SOAT1: variants seen among roughly 807,000 people sequenced by gnomAD.
The protein encoded by SOAT1 is sterol O-acyltransferase 1.
In SOAT1, 55 loss-of-function variants were observed where a neutral mutation model predicts 69.5. The ratio of observed to expected loss-of-function variants is 0.79; its 90% CI spans 0.64 to 0.99. The LOEUF (loss-of-function observed/expected upper bound fraction) is 0.99, where lower values mean the gene tolerates loss of function less well. SOAT1 is among the 50% of genes least tolerant of loss of function. SOAT1 has a pLI of 0.00. For missense variants in SOAT1, 580 were observed against 669.3 expected, an observed-to-expected ratio of 0.87 and a Z score of 1.47; for synonymous variants, 231 against 224.7, an observed-to-expected ratio of 1.03 and a Z score of -0.25.
intron 1 of SOAT1, among the ~76,000 whole-genome samples, chr1:179,302,025 CTTT>C (rs5779019): frequency 2.2e-4 from 31 of 141,902 alleles, no homozygotes; most frequent in Admixed American, 5.6e-4. Flanking sequence ...CTATTTAATC[CTTT>C]TTTTTTTTTT....
intron 2 of SOAT1, among the ~76,000 whole-genome samples, chr1:179,314,560 C>G (rs896536988): frequency 1.3e-5 from 2 of 151,994 alleles, no homozygotes; most frequent in Non-Finnish European, 2.9e-5. Flanking sequence ...TTACTTGTTC[C>G]GAAGATTATG....
chr1:179,304,279 CCTT>C (rs1340644040), intron 2 of SOAT1, among the ~76,000 whole-genome samples: 18 of 148,928 alleles, frequency 1.2e-4, no homozygotes, highest in African/African-American at 4.2e-4. Flanking sequence ...TTCTTTCTCT[CCTT>C]TTTTTTTTTT....
At chr1:179,307,990 A>T (rs6425529) in intron 2 of SOAT1, among the ~76,000 whole-genome samples, 1 of 151,474 alleles carries the variant, frequency 6.6e-6, no homozygotes, top group Non-Finnish European at 1.5e-5. Context: ...GGGTTTCTCC[A>T]TGTTGGTCAG....
chr1:179,325,431 C>A (rs537616574), intron 3 of SOAT1, among the ~76,000 whole-genome samples: 1 of 152,110 alleles, frequency 6.6e-6, no homozygotes, highest in Non-Finnish European at 1.5e-5. Context: ...GGATTACAGG[C>A]GTGAGCTACC....
intron 3 of SOAT1, among the ~76,000 whole-genome samples, chr1:179,329,627 A>G (rs892908763): frequency 2.6e-5 from 4 of 151,922 alleles, no homozygotes; most frequent in Admixed American, 6.5e-5. Flanking sequence ...AAGCAGGAGA[A>G]TCATTTGAAC....
At chr1:179,298,310 G>A (rs544422370) in intron 1 of SOAT1, among the ~76,000 whole-genome samples, 1 of 151,888 alleles carries the variant, frequency 6.6e-6, no homozygotes, top group African/African-American at 2.4e-5. Flanking sequence ...GGATGGTCTC[G>A]ATCTCCTGAC....
chr1:179,298,236 A>T (rs891994394), intron 1 of SOAT1, among the ~76,000 whole-genome samples: 1 of 151,808 alleles, frequency 6.6e-6, no homozygotes. Context: ...GGTGCCTGCC[A>T]CCACACCTGG....
intron 3 of SOAT1, among the ~76,000 whole-genome samples, chr1:179,330,353 A>G (rs1360838168): frequency 7.2e-5 from 11 of 152,186 alleles, no homozygotes. Context: ...AAAACATCTC[A>G]GAAGACCAAT....
At chr1:179,314,177 C>T (rs1486151517) in intron 2 of SOAT1, among the ~76,000 whole-genome samples, 3 of 152,202 alleles carry the variant, frequency 2.0e-5, no homozygotes, top group Non-Finnish European at 2.9e-5. Context: ...CTACACCCCT[C>T]ATTCTCCCAC....
intron 2 of SOAT1, among the ~76,000 whole-genome samples, chr1:179,304,634 A>G (rs1255418827): frequency 1.3e-5 from 2 of 148,990 alleles, no homozygotes; most frequent in Non-Finnish European, 3.0e-5. Flanking sequence ...CTTTTCCCCC[A>G]TCCCCTTCTC....
intron 14 of SOAT1, among the ~76,000 whole-genome samples, chr1:179,350,922 T>C (rs1666700747): frequency 6.6e-6 from 1 of 151,814 alleles, no homozygotes; most frequent in Admixed American, 6.6e-5. Flanking sequence ...TAAAAAAATA[T>C]ATAAACAGTT....
At position 179,357,866 on chromosome 1, in the gene SOAT1, A is replaced by C. The variant is rs528459374; in HGVS notation, c.*4225A>C. 1.3e-5 allele frequency: 2 copies of C among 152,332 alleles called. No homozygotes were observed. Among genetic ancestry groups the C allele is most frequent in the Admixed American group, 1.3e-4 (2 of 15,282 alleles). 9.4% of individuals were successfully genotyped at this position (152,332 alleles called of 1,614,324 possible). ...CTGTGACCTGTGATCACACCACTTA[A>C]TTCCTCAAAACATTTATGTCCCAGT... On this transcript the variant is annotated 3_prime_UTR_variant, in exon 16 of 16. Transcript: ENST00000367619.
chr1:179,301,661 G>T lies in SOAT1; in HGVS notation c.-8-1016G>T, dbSNP rs1011221922. Among the ~76,000 whole-genome samples the T allele has an allele frequency of 7.9e-5, 12 of 152,166 alleles. 1 individual carries two copies. The highest frequency in any genetic ancestry group is 4.6e-4 in the Admixed American group (7 of 15,272). ...ACTTTAAATCATTGTTTTCTCATGTGAAAACTGAGGGTAATTTTTTTCAGA... is the reference window on the plus strand; with the variant it reads ...ACTTTAAATCATTGTTTTCTCATGTTAAAACTGAGGGTAATTTTTTTCAGA... On this transcript the variant is annotated intron_variant, in intron 1 of 15. Transcript: ENST00000367619.
chr1:179,340,473 C>T lies in SOAT1; in HGVS notation c.498-555C>T, dbSNP rs34909961. ...ACTCCAGCCTGGATGCAAAGGAGACCAGATCTCAAAATAAAATTTTAAAAC... is the reference window on the plus strand; with the variant it reads ...ACTCCAGCCTGGATGCAAAGGAGACTAGATCTCAAAATAAAATTTTAAAAC... On this transcript the variant is annotated intron_variant, in intron 6 of 15. Transcript: ENST00000367619. 7.4e-3 allele frequency among the ~76,000 whole-genome samples: 1,120 copies of T among 152,072 alleles called. 9 individuals are homozygous for T. Among genetic ancestry groups the T allele is most frequent in the Middle Eastern group, 0.014 (4 of 294 alleles).
chr1:179,318,697 T>A (rs191911915), intron 2 of SOAT1, among the ~76,000 whole-genome samples: 1 of 152,220 alleles, frequency 6.6e-6, no homozygotes, highest in Admixed American at 6.5e-5. Flanking sequence ...GACATTGTCA[T>A]GTAAATAGGA....
Position 179,347,589 on chromosome 1 carries a change from C to G in SOAT1, c.1118-11C>G, listed in dbSNP as rs747630682. 6.5e-7 allele frequency: 1 copy of G among 1,549,564 alleles called. No homozygotes were observed. The highest frequency in any genetic ancestry group is 1.7e-5 in the Admixed American group (1 of 58,834). Reference sequence around the variant, plus strand: ...TGGAAAGACTGTTAATATTGTTAATCTTATTTTTAGGTGTGCTGATTCTCT... The same window carrying G: ...TGGAAAGACTGTTAATATTGTTAATGTTATTTTTAGGTGTGCTGATTCTCT... On this transcript the variant is annotated splice_polypyrimidine_tract_variant and intron_variant, in intron 11 of 15. Transcript: ENST00000367619.
intron 2 of SOAT1, among the ~76,000 whole-genome samples, chr1:179,308,103 A>G (rs1665078818): frequency 6.6e-6 from 1 of 152,034 alleles, no homozygotes; most frequent in Non-Finnish European, 1.5e-5. Context: ...TTAAGGTATT[A>G]TCTTATTGGC....
chr1:179,351,288 A>G (rs1480159144), intron 14 of SOAT1, 29 bp from the exon 15 acceptor site: 7 of 1,607,896 alleles, frequency 4.4e-6, no homozygotes, highest in Middle Eastern at 1.7e-4. Flanking sequence ...TGATAACTGT[A>G]TATTTCTTTG....
At chr1:179,340,787 T>C (rs1666305747) in intron 6 of SOAT1, among the ~76,000 whole-genome samples, 1 of 148,344 alleles carries the variant, frequency 6.7e-6, no homozygotes, top group South Asian at 2.2e-4. Context: ...TTAGGGCTTT[T>C]AGAAAATTTG....
Sources: gnomAD v4.1 joint callset for allele counts (sites outside exome capture counted in the v4.1 genomes callset) on GRCh38, gnomAD v4.1.1 for gene constraint, MANE v1.5 for transcripts, NCBI Gene and HGNC (gene_info 2026-07-23, HGNC 2026-07-21) for gene names.